MYO9B: variants seen among roughly 807,000 people sequenced by gnomAD.
The protein encoded by MYO9B is unconventional myosin-IXb.
In MYO9B, 71 loss-of-function variants were observed where a neutral mutation model predicts 229.5. The observed-to-expected ratio is 0.31, with a 90% CI of 0.26 to 0.38. MYO9B has a LOEUF of 0.38. Among genes scored for constraint, MYO9B ranks in the 10% least tolerant of loss-of-function variants. The pLI, the probability that MYO9B is intolerant of heterozygous loss-of-function variation, is 1.00. For missense variants in MYO9B, 2,255 were observed against 2,920.5 expected, an observed-to-expected ratio of 0.77 and a Z score of 5.25; for synonymous variants, 1,185 against 1,235.8, an observed-to-expected ratio of 0.96 and a Z score of 0.86.
rs1568276471 is a variant in MYO9B at position 17,154,086 on chromosome 19, A to C, written c.1098+20A>C. On this transcript the variant is annotated intron_variant, in intron 5 of 39. Coordinates refer to ENST00000682292, the MANE Select transcript of MYO9B (RefSeq NM_004145.4). ...AACCAGGTAAACAGCCTCAAGCCCGAGCCACAAACGCCACCTCTGTTCCCG... is the reference window on the plus strand; with the variant it reads ...AACCAGGTAAACAGCCTCAAGCCCGCGCCACAAACGCCACCTCTGTTCCCG... 1 of 1,596,894 alleles carries C rather than the reference A, an allele frequency of 6.3e-7. No homozygotes were observed. Among genetic ancestry groups the C allele is most frequent in the Non-Finnish European group, 8.6e-7 (1 of 1,167,092 alleles).
chr19:17,131,260 A>G lies in MYO9B; in HGVS notation c.841-14137A>G, dbSNP rs887044853. 7.2e-5 allele frequency among the ~76,000 whole-genome samples: 11 copies of G among 152,172 alleles called. 1 individual carries two copies. Among genetic ancestry groups the G allele is most frequent in the Non-Finnish European group, 2.9e-5 (2 of 68,036 alleles). Reference sequence around the variant, plus strand: ...ATAAAGGCATCCTGCCCATGTGTTAATGAGTACCATTGAATAATCCTTTTT... The same window carrying G: ...ATAAAGGCATCCTGCCCATGTGTTAGTGAGTACCATTGAATAATCCTTTTT... On this transcript the variant is annotated intron_variant, in intron 2 of 39. Coordinates refer to ENST00000682292, the MANE Select transcript of MYO9B (RefSeq NM_004145.4).
intron 7 of MYO9B, 67 bp downstream of exon 7, chr19:17,157,105 G>A: frequency 6.5e-7 from 1 of 1,549,186 alleles, no homozygotes; most frequent in East Asian, 2.3e-5. Context: ...CTCAGTACGA[G>A]GGACCATACC....
At chr19:17,203,926 AG>A (rs2073134536) in intron 30 of MYO9B, among the ~76,000 whole-genome samples, 2 of 152,136 alleles carry the variant, frequency 1.3e-5, no homozygotes, top group Non-Finnish European at 2.9e-5. Flanking sequence ...CCTAAGAGAC[AG>A]GGCCCAGGAA....
intron 7 of MYO9B, 81 bp from the exon 8 acceptor site, chr19:17,159,314 C>T (rs1350628657): frequency 6.8e-6 from 9 of 1,320,490 alleles, no homozygotes; most frequent in Admixed American, 4.0e-5. Flanking sequence ...AGGCTCCGGG[C>T]GTTGCCTCAG....
At chr19:17,077,841 C>T (rs2057500577) in intron 1 of MYO9B, among the ~76,000 whole-genome samples, 1 of 152,084 alleles carries the variant, frequency 6.6e-6, no homozygotes, top group Non-Finnish European at 1.5e-5. Context: ...GATTTTTTTT[C>T]AACCGCTTCT....
In MYO9B at chr19:17,180,911, C is replaced by G. The variant is rs368594606; in HGVS notation, c.2220-16C>G. 2 of 1,574,608 alleles carry G rather than the reference C, an allele frequency of 1.3e-6. No homozygotes were observed. Among genetic ancestry groups the G allele is most frequent in the South Asian group, 1.1e-5 (1 of 88,194 alleles). ...TCTTCTTTCTGTCACTGCGCCCCCT[C>G]CACCCCTCCCCTCAGCGATTTGCAT... On this transcript the variant is annotated splice_polypyrimidine_tract_variant and intron_variant, in intron 14 of 39. Coordinates refer to ENST00000682292, the MANE Select transcript of MYO9B (RefSeq NM_004145.4).
chr19:17,076,100 T>TG (rs113313584), intron 1 of MYO9B, among the ~76,000 whole-genome samples: 38,803 of 134,288 alleles, frequency 0.29, 5,559 homozygotes, highest in African/African-American at 0.32. Flanking sequence ...TTCGAGGGCG[T>TG]GGGGGGGGTG....
In MYO9B at chr19:17,207,154, C is replaced by T; in HGVS notation, c.5534C>T (p.Ala1845Val). Residue 1845 changes from alanine to valine, a missense_variant, in exon 35 of 40, where the codon GCG (alanine) becomes GTG (valine). Ala to Val is a moderately conservative substitution (Grantham distance 64). This residue lies in a region of MYO9B where 416 missense variants were observed against 605.5 expected (regional missense o/e 0.69). Transcript: ENST00000682292. ...LEDVNRMSPG[A>V]LAIIFAPCLL... ...GATGTCAACCGCATGTCACCTGGGG[C>T]GCTGGCCATTATCTTCGCACCCTGC... 3.1e-6 allele frequency: 5 copies of T among 1,608,658 alleles called. No individual in the cohort carries two copies. The highest frequency in any genetic ancestry group is 4.2e-6 in the Non-Finnish European group (5 of 1,178,398).
chr19:17,134,377 G>GTTTTTTTTTT (rs1568267173), intron 2 of MYO9B, among the ~76,000 whole-genome samples: 25 of 39,734 alleles, frequency 6.3e-4, no homozygotes, highest in African/African-American at 2.3e-3. Context: ...TTTTCGTTTT[G>GTTTTTTTTTT]TTTGTTTTTT....
At chr19:17,086,443 G>A (rs1044293945) in intron 1 of MYO9B, among the ~76,000 whole-genome samples, 10 of 152,194 alleles carry the variant, frequency 6.6e-5, no homozygotes, top group African/African-American at 2.4e-4. Flanking sequence ...CCTATCCCCA[G>A]CTTCCCCACC....
intron 2 of MYO9B, among the ~76,000 whole-genome samples, chr19:17,124,077 C>CG (rs1359999564): frequency 2.6e-5 from 4 of 151,836 alleles, no homozygotes; most frequent in Admixed American, 6.6e-5. Context: ...TTTGTAGAGA[C>CG]GGGGTCTCAC....
At chr19:17,142,166 T>TAAA (rs374143995) in intron 2 of MYO9B, among the ~76,000 whole-genome samples, 1,815 of 144,890 alleles carry the variant, frequency 0.013, 54 homozygotes, top group African/African-American at 0.042. Context: ...CCCTGCCTTT[T>TAAA]AAAAAAAAAA....
At chr19:17,211,626 C>CCACTGGGCCTTGGA (rs1568305832) in intron 38 of MYO9B, 21 bp from the exon 39 acceptor site, 1 of 1,583,188 alleles carries the variant, frequency 6.3e-7, no homozygotes, top group Non-Finnish European at 8.6e-7. Context: ...GCCTTGGACA[C>CCACTGGGCCTTGGA]CACTACCCTT....
intron 1 of MYO9B, among the ~76,000 whole-genome samples, chr19:17,090,837 T>C (rs2057631081): frequency 6.6e-6 from 1 of 152,122 alleles, no homozygotes; most frequent in Admixed American, 6.6e-5. Context: ...GGCTGAGCTG[T>C]CCCCCACAGG....
intron 19 of MYO9B, 81 bp from the exon 20 acceptor site, chr19:17,191,016 C>G: frequency 2.1e-6 from 3 of 1,424,336 alleles, no homozygotes; most frequent in South Asian, 2.6e-5. Context: ...TTCACCTTAA[C>G]CAGGGTCACC....
chr19:17,104,028 C>T (rs926795806), intron 2 of MYO9B, among the ~76,000 whole-genome samples: 1 of 149,278 alleles, frequency 6.7e-6, no homozygotes, highest in African/African-American at 2.5e-5. Flanking sequence ...TGCACTCCAG[C>T]CTGGGTGACA....
At chr19:17,181,388 G>C (rs2072858822) in intron 15 of MYO9B, among the ~76,000 whole-genome samples, 1 of 152,266 alleles carries the variant, frequency 6.6e-6, no homozygotes, top group Non-Finnish European at 1.5e-5. Flanking sequence ...GCCACTGTGA[G>C]TTTGCAGAGA....
At position 17,172,308 on chromosome 19, in the gene MYO9B, C is replaced by T. The variant is rs767607125; in HGVS notation, c.1794-28C>T. 15 of 1,613,246 alleles carry T rather than the reference C, an allele frequency of 9.3e-6. No homozygotes were observed. Among genetic ancestry groups the T allele is most frequent in the Non-Finnish European group, 1.3e-5 (15 of 1,179,462 alleles). ...CAGGTAAATCAGCCGCTGTTCATGC[C>T]TGCAAAGGTTCCATGTTCTGTTCCC... is the stretch of plus-strand genomic sequence containing the variant. On this transcript the variant is annotated intron_variant, in intron 11 of 39. Coordinates refer to ENST00000682292, the MANE Select transcript of MYO9B (RefSeq NM_004145.4). The surrounding 1 kb of genome is among the most constrained non-coding windows in gnomAD (Gnocchi z 8.2).
rs2072842586 is a variant in MYO9B, at chr19:17,180,280, GA to G, written c.2220-645del. ...TATCCCCAAAGGCTCTTAAATATGA[GA>G]ACTTTTTCAGTGATCCAAATGAAAA... On this transcript the variant is annotated intron_variant, in intron 14 of 39. Coordinates refer to ENST00000682292, the MANE Select transcript of MYO9B (RefSeq NM_004145.4). Among the ~76,000 whole-genome samples the G allele has an allele frequency of 4.8e-5, 7 of 147,158 alleles. No individual in the cohort carries two copies. In the Admixed American group the frequency reaches 4.8e-4, roughly 10 times the overall value.
Sources: gnomAD v4.1 joint callset for allele counts (sites outside exome capture counted in the v4.1 genomes callset) on GRCh38, gnomAD v4.1.1 for gene constraint, gnomAD v4.1.1 regional missense constraint, Gnocchi (gnomAD v3.1) non-coding constraint, MANE v1.5 for transcripts, NCBI Gene and HGNC (gene_info 2026-07-23, HGNC 2026-07-21) for gene names.